The following MEGF9 variants were observed in gnomAD, a reference collection of about 807,000 sequenced individuals.
MEGF9 encodes the protein multiple EGF like domains 9.
MEGF9 carries 6 observed loss-of-function variants against 46.8 expected under a neutral mutation model. The observed-to-expected ratio is 0.13, with a 90% CI of 0.07 to 0.25. MEGF9 has a LOEUF of 0.25. Ranked by LOEUF, MEGF9 falls within the 10% of genes least tolerant of loss-of-function variation. The pLI, the probability that MEGF9 is intolerant of heterozygous loss-of-function variation, is 1.00. For synonymous variants in MEGF9, 302 were observed against 330.7 expected, an observed-to-expected ratio of 0.91 and a Z score of 0.94; for missense variants, 683 against 792.4, an observed-to-expected ratio of 0.86 and a Z score of 1.66.
chr9:120,675,339 C>T (rs2043767949), intron 1 of MEGF9, among the ~76,000 whole-genome samples: 1 of 152,154 alleles, frequency 6.6e-6, no homozygotes, highest in African/African-American at 2.4e-5. Flanking sequence ...GTAATCCCGG[C>T]ACTTGGGTGG....
At chr9:120,629,229 C>T (rs2043540199) in intron 2 of MEGF9, among the ~76,000 whole-genome samples, 1 of 152,168 alleles carries the variant, frequency 6.6e-6, no homozygotes, top group South Asian at 2.1e-4. Context: ...ATCCTTCAGC[C>T]TTGTTCTCCC....
chr9:120,683,385 T>C (rs780517582), intron 1 of MEGF9, among the ~76,000 whole-genome samples: 6 of 152,194 alleles, frequency 3.9e-5, no homozygotes, highest in Non-Finnish European at 5.9e-5. Flanking sequence ...ATAATCTCCA[T>C]GTGTTGAGGG....
chr9:120,678,204 T>C (rs2043782128), intron 1 of MEGF9, among the ~76,000 whole-genome samples: 1 of 152,234 alleles, frequency 6.6e-6, no homozygotes, highest in African/African-American at 2.4e-5. Context: ...TGATGGATAC[T>C]TGGGTTGCTT....
chr9:120,611,868 AGAGAGAGAGAG>A (rs2043448558), intron 4 of MEGF9, among the ~76,000 whole-genome samples: 1 of 135,604 alleles, frequency 7.4e-6, no homozygotes, highest in African/African-American at 3.6e-5. Flanking sequence ...AGGAAGAAAG[AGAGAGAGAGAG>A]AGAGAGAAAG....
chr9:120,664,201 T>C (rs1344440219), intron 1 of MEGF9, among the ~76,000 whole-genome samples: 2 of 152,176 alleles, frequency 1.3e-5, no homozygotes, highest in Admixed American at 1.3e-4. Context: ...AGGCCTTTAA[T>C]ATACCTGGTA....
Position 120,693,222 on chromosome 9 carries a change from A to G in MEGF9, c.601+20536T>C, listed in dbSNP as rs565711541. ...CTTAGTGAAGCACTGTTAAAGACCA[A>G]TTTGAGCATGGCAAGAAAAAATAAA... On this transcript the variant is annotated intron_variant, in intron 1 of 5. Transcript: ENST00000373930. Among the ~76,000 whole-genome samples the G allele has an allele frequency of 2.0e-5, 3 of 146,364 alleles. No homozygotes were observed. The East Asian group carries it at 6.2e-4, about 30-fold the overall frequency.
intron 3 of MEGF9, among the ~76,000 whole-genome samples, chr9:120,616,677 CAAAAAAA>C (rs60170268): frequency 4.2e-4 from 40 of 94,382 alleles, no homozygotes; most frequent in African/African-American, 1.5e-3. Context: ...GACTCTGTCT[CAAAAAAA>C]AAAAAAAAAA....
At position 120,605,383 on chromosome 9, in the gene MEGF9, C is replaced by T; in HGVS notation, c.1616G>A (p.Arg539His). The T allele has an allele frequency of 6.8e-6, 11 of 1,613,956 alleles. No individual in the cohort carries two copies. Among genetic ancestry groups the T allele is most frequent in the South Asian group, 3.3e-5 (3 of 91,082 alleles). ...MGFVGAVYMY[R>H]EYQNRKLNAP... is the part of the protein sequence containing the mutation. ...ATTGAGTTTCCGGTTTTGGTACTCG[C>T]GGTACATATATACAGCCCCCACAAA... Residue 539 changes from arginine to histidine, a missense_variant, in exon 6 of 6, where the codon CGC (arginine) becomes CAC (histidine). Arg to His is a conservative substitution (Grantham distance 29, BLOSUM62 0). This residue lies in a region of MEGF9 where 313 missense variants were observed against 421.1 expected (regional missense o/e 0.74). Coordinates refer to ENST00000373930, the MANE Select transcript of MEGF9 (RefSeq NM_001080497.3). This position sits in a 1 kb window ranked among gnomAD's most constrained non-coding sequence, Gnocchi z 4.0.
chr9:120,645,313 C>T (rs1455553673), intron 2 of MEGF9, among the ~76,000 whole-genome samples: 1 of 152,116 alleles, frequency 6.6e-6, no homozygotes, highest in Non-Finnish European at 1.5e-5. Context: ...ACCTAGGAGA[C>T]CTAATTTAGA....
At chr9:120,671,392 G>C (rs764180535) in intron 1 of MEGF9, among the ~76,000 whole-genome samples, 7 of 152,126 alleles carry the variant, frequency 4.6e-5, no homozygotes, top group Non-Finnish European at 5.9e-5. Flanking sequence ...AGAGAGACCA[G>C]GAGAAGAACC....
At chr9:120,642,547 G>T (rs551753542) in intron 2 of MEGF9, among the ~76,000 whole-genome samples, 2 of 152,306 alleles carry the variant, frequency 1.3e-5, no homozygotes, top group African/African-American at 4.8e-5. Context: ...GGTTTAAAGT[G>T]TTCAATGAAT....
intron 1 of MEGF9, among the ~76,000 whole-genome samples, chr9:120,662,251 T>G (rs1216970367): frequency 6.6e-6 from 1 of 152,214 alleles, no homozygotes. Context: ...GTCTAATATC[T>G]TCATTATTCC....
intron 3 of MEGF9, among the ~76,000 whole-genome samples, chr9:120,614,732 C>A (rs2043463681): frequency 6.7e-6 from 1 of 150,070 alleles, no homozygotes; most frequent in African/African-American, 2.5e-5. Context: ...ATGTTCAATA[C>A]AAAGAATTTT....
chr9:120,677,297 T>TA (rs936023862), intron 1 of MEGF9, among the ~76,000 whole-genome samples: 6 of 151,084 alleles, frequency 4.0e-5, no homozygotes, highest in Admixed American at 1.3e-4. Flanking sequence ...CCAGCCTAAT[T>TA]AAAAAAAAAA....
chr9:120,659,973 G>A (rs77668968), intron 1 of MEGF9, among the ~76,000 whole-genome samples: 2,856 of 150,384 alleles, frequency 0.019, 104 homozygotes, highest in African/African-American at 0.067. Context: ...TTTGGCAACC[G>A]ATTCAAGGTC....
In MEGF9 at chr9:120,658,338, T is replaced by C. The variant is rs116402620; in HGVS notation, c.803+1036A>G. On this transcript the variant is annotated intron_variant, in intron 2 of 5. Coordinates refer to ENST00000373930, the MANE Select transcript of MEGF9 (RefSeq NM_001080497.3). ...TATGATACAATATTCCATAACAGTA[T>C]AATATCATTTATAAAGCATTTAAAA... Among the ~76,000 whole-genome samples, 236 of 152,332 alleles carry C rather than the reference T, an allele frequency of 1.5e-3. 2 individuals carry two copies. The highest frequency in any genetic ancestry group is 5.1e-3 in the African/African-American group (214 of 41,576).
chr9:120,678,052 C>T (rs933929541), intron 1 of MEGF9, among the ~76,000 whole-genome samples: 4 of 152,134 alleles, frequency 2.6e-5, no homozygotes, highest in Non-Finnish European at 5.9e-5. Context: ...CTGTGCCTGG[C>T]TTATTTCACT....
At chr9:120,665,532 G>A (rs978314045) in intron 1 of MEGF9, among the ~76,000 whole-genome samples, 5 of 152,016 alleles carry the variant, frequency 3.3e-5, no homozygotes, top group Non-Finnish European at 5.9e-5. Flanking sequence ...TCATGAGCTC[G>A]AATTTTTTTT....
chr9:120,615,115 T>C (rs2043465475), intron 3 of MEGF9, among the ~76,000 whole-genome samples: 1 of 151,788 alleles, frequency 6.6e-6, no homozygotes, highest in Admixed American at 6.6e-5. Context: ...AGTGCATGCC[T>C]GTAATCCCAG....
Sources: allele counts gnomAD v4.1 joint callset (sites outside exome capture counted in the v4.1 genomes callset), GRCh38; gene constraint gnomAD v4.1.1; regional missense constraint gnomAD v4.1.1; non-coding constraint Gnocchi (gnomAD v3.1); transcripts MANE v1.5; gene names NCBI Gene and HGNC (gene_info 2026-07-23, HGNC 2026-07-21).